Variants in CLEC3A observed in about 807,000 individuals in gnomAD.
CLEC3A encodes the protein C-type lectin domain family 3 member A.
CLEC3A carries 28 observed loss-of-function variants against 20.4 expected under a neutral mutation model. The ratio of observed to expected loss-of-function variants is 1.37; its 90% CI spans 1.02 to 1.88. The LOEUF (loss-of-function observed/expected upper bound fraction) is 1.88, where lower values mean the gene tolerates loss of function less well. Ranked by LOEUF, CLEC3A falls within the 40% of genes most tolerant of loss-of-function variation. The pLI, the probability that CLEC3A is intolerant of heterozygous loss-of-function variation, is 0.00. For synonymous variants in CLEC3A, 110 were observed against 88.1 expected, an observed-to-expected ratio of 1.25 and a Z score of -1.39; for missense variants, 357 against 240.4, an observed-to-expected ratio of 1.48 and a Z score of -3.21.
At chr16:78,030,365 C>T (rs1597154121) in intron 2 of CLEC3A, 82 bp from the exon 3 acceptor site, 10 of 1,219,956 alleles carry the variant, frequency 8.2e-6, no homozygotes, top group Non-Finnish European at 1.2e-5. Context: ...TCCACAAATA[C>T]TTATTGCTAT....
chr16:78,030,058 C>A (rs1201798092), intron 2 of CLEC3A, among the ~76,000 whole-genome samples: 2 of 144,880 alleles, frequency 1.4e-5, no homozygotes, highest in Non-Finnish European at 3.0e-5. Flanking sequence ...GAGCCTGAGA[C>A]GGGAGAATGG....
chr16:78,029,474 T>C (rs2030021244), intron 2 of CLEC3A, among the ~76,000 whole-genome samples: 2 of 152,210 alleles, frequency 1.3e-5, no homozygotes, highest in South Asian at 4.1e-4. Flanking sequence ...GTTCGCACGA[T>C]TCTCCTGCTT....
At chr16:78,023,482 G>A (rs11646833) in intron 1 of CLEC3A, among the ~76,000 whole-genome samples, 2 of 152,056 alleles carry the variant, frequency 1.3e-5, no homozygotes, top group East Asian at 1.9e-4. Flanking sequence ...TTTGCAATAC[G>A]TTGAAACCTA....
intron 1 of CLEC3A, among the ~76,000 whole-genome samples, chr16:78,027,847 G>C (rs771859607): frequency 2.0e-5 from 3 of 152,072 alleles, no homozygotes; most frequent in Non-Finnish European, 2.9e-5. Context: ...GTAGAGACAG[G>C]GTTTTGCTAT....
At position 78,028,878 on chromosome 16, in the gene CLEC3A, C is replaced by T. The variant is rs1004796299; in HGVS notation, c.199+688C>T. 2.6e-5 allele frequency among the ~76,000 whole-genome samples: 4 copies of T among 152,310 alleles called. No homozygotes were observed. The East Asian group carries it at 5.8e-4, about 22-fold the overall frequency. Reference sequence around the variant, plus strand: ...CATCAAGTATTTATAACTCCCAGACCAGATGCATGTTACCAACCTGGGGTC... The same window carrying T: ...CATCAAGTATTTATAACTCCCAGACTAGATGCATGTTACCAACCTGGGGTC... On this transcript the variant is annotated intron_variant, in intron 2 of 2. Transcript: ENST00000299642.
intron 2 of CLEC3A, chr16:78,029,103 T>C (rs7197560): frequency 0.36 from 162,772 of 455,080 alleles, 31,241 homozygotes; most frequent in East Asian, 0.49. Context: ...ACTTAAGCTA[T>C]TATGATCCTA....
rs773893407 is a variant in CLEC3A at position 78,028,197 on chromosome 16, T to C, written c.199+7T>C. The C allele has an allele frequency of 3.2e-6, 5 of 1,583,842 alleles. No individual in the cohort carries two copies. The highest frequency in any genetic ancestry group is 1.2e-5 in the South Asian group (1 of 85,686). ...ATTCAAGCCCTGCAGACAGGTAAGGTGCAGACCTTCTCAGTGCCTTGTCCC... is the reference window on the plus strand; with the variant it reads ...ATTCAAGCCCTGCAGACAGGTAAGGCGCAGACCTTCTCAGTGCCTTGTCCC... On this transcript the variant is annotated splice_region_variant and intron_variant, in intron 2 of 2. Coordinates refer to ENST00000299642, the MANE Select transcript of CLEC3A (RefSeq NM_005752.6).
rs141056312 is a variant in CLEC3A at position 78,030,590 on chromosome 16, C to T, written c.343C>T (p.Gln115Ter). The change falls in exon 3 of 3, where the codon CAA becomes TAA. Residue 115 changes from glutamine (Q) to a stop codon, truncating the protein, a stop_gained. Transcript: ENST00000299642. LOFTEE classifies it high-confidence loss of function. The stretch of plus-strand genomic sequence containing the variant: ...GAACTCCGACGAAATCAACGCCCTC[C>T]AAGACTATGGTAAAAGGAGCCTGCC... ...PRNSDEINAL[Q>*]DYGKRSLPGV... 4 of 1,614,018 alleles carry T rather than the reference C, an allele frequency of 2.5e-6. No individual in the cohort carries two copies. Among genetic ancestry groups the T allele is most frequent in the Non-Finnish European group, 3.4e-6 (4 of 1,180,026 alleles).
intron 2 of CLEC3A, among the ~76,000 whole-genome samples, chr16:78,029,983 C>T (rs113320598): frequency 1.9e-3 from 291 of 152,034 alleles, no homozygotes; most frequent in Admixed American, 3.5e-3. Context: ...GAAATCCCGT[C>T]TCTACTAAAA....
intron 1 of CLEC3A, among the ~76,000 whole-genome samples, chr16:78,026,519 A>G (rs1000784392): frequency 6.6e-6 from 1 of 152,198 alleles, no homozygotes; most frequent in Non-Finnish European, 1.5e-5. Context: ...CCAATTCTTC[A>G]CTTTACTAGC....
chr16:78,028,800 A>G (rs1275416498), intron 2 of CLEC3A, among the ~76,000 whole-genome samples: 2 of 152,194 alleles, frequency 1.3e-5, no homozygotes, highest in Admixed American at 1.3e-4. Context: ...CTCACAAGAG[A>G]CCTGCCTCAT....
At chr16:78,029,165 G>A (rs940615179) in intron 2 of CLEC3A, 3 of 455,542 alleles carry the variant, frequency 6.6e-6, no homozygotes, top group Non-Finnish European at 1.3e-5. Context: ...ATTTGTTCAA[G>A]AGATACACAG....
chr16:78,024,291 TGAA>T (rs1258534647), intron 1 of CLEC3A, among the ~76,000 whole-genome samples: 2 of 152,060 alleles, frequency 1.3e-5, no homozygotes, highest in East Asian at 3.9e-4. Flanking sequence ...TAGGAATGTG[TGAA>T]GAGGGTCTGA....
chr16:78,030,820 C>A lies in CLEC3A; in HGVS notation c.573C>A (p.Cys191Ter). The change falls in exon 3 of 3, where the codon TGC becomes TGA. Residue 191 changes from cysteine (C) to a stop codon, truncating the protein, a stop_gained. Coordinates refer to ENST00000299642, the MANE Select transcript of CLEC3A (RefSeq NM_005752.6). LOFTEE classifies it high-confidence loss of function. ...GTCGCAGCAGCAAGAGATACATATG[C>A]GAGTTCACCATCCCTCAATAGGTCT... ...EACRSSKRYICEFTIPQ is the reference protein window; with the variant it reads ...EACRSSKRYI 6.2e-7 allele frequency: 1 copy of A among 1,612,832 alleles called. No individual in the cohort carries two copies. Among genetic ancestry groups the A allele is most frequent in the Non-Finnish European group, 8.5e-7 (1 of 1,179,398 alleles).
Sources: allele counts gnomAD v4.1 joint callset (sites outside exome capture counted in the v4.1 genomes callset), GRCh38; gene constraint gnomAD v4.1.1; transcripts MANE v1.5; gene names NCBI Gene and HGNC (gene_info 2026-07-23, HGNC 2026-07-21).